RIMBP2: variants seen among roughly 807,000 people sequenced by gnomAD.
RIMBP2 encodes RIMS binding protein 2.
RIMBP2 carries 48 observed loss-of-function variants against 118.6 expected under a neutral mutation model. That is an observed-to-expected ratio of 0.40 (90% confidence interval 0.32 to 0.51). RIMBP2 has a LOEUF of 0.51. RIMBP2 is among the 20% of genes least tolerant of loss of function. The pLI, the probability that RIMBP2 is intolerant of heterozygous loss-of-function variation, is 0.41. For missense variants in RIMBP2, 1,551 were observed against 1,768.3 expected, an observed-to-expected ratio of 0.88 and a Z score of 2.20; for synonymous variants, 762 against 742.9, an observed-to-expected ratio of 1.03 and a Z score of -0.42.
rs965113380 is a variant in RIMBP2, at chr12:130,521,394, C to A, written c.-216-3477G>T. Among the ~76,000 whole-genome samples the A allele has an allele frequency of 2.6e-5, 4 of 152,186 alleles. 1 individual carries two copies. Among genetic ancestry groups the A allele is most frequent in the African/African-American group, 9.7e-5 (4 of 41,440 alleles). ...CAGCAGCCGGCACCAGTGGCACTAG[C>A]CGTGACAGTTCCCAGGAGGAGGAAG... On this transcript the variant is annotated intron_variant, in intron 2 of 22. Transcript: ENST00000690449.
intron 17 of RIMBP2, among the ~76,000 whole-genome samples, chr12:130,421,227 T>C (rs1566003829): frequency 6.6e-6 from 1 of 152,218 alleles, no homozygotes; most frequent in East Asian, 1.9e-4. Context: ...AGGTTTAGAA[T>C]ACCCGAAAGG....
intron 1 of RIMBP2, among the ~76,000 whole-genome samples, chr12:130,646,226 A>T (rs61936795): frequency 9.7e-4 from 21 of 21,680 alleles, no homozygotes; most frequent in African/African-American, 2.8e-3. Context: ...CACCTCCCTC[A>T]CCACCTGCCT....
chr12:130,708,069 G>A (rs1388778556), intron 1 of RIMBP2, among the ~76,000 whole-genome samples: 8 of 152,168 alleles, frequency 5.3e-5, no homozygotes, highest in Admixed American at 6.5e-5. Context: ...AAGAGATGAC[G>A]CTCTGACACA....
At chr12:130,495,563 G>C (rs180769442) in intron 4 of RIMBP2, among the ~76,000 whole-genome samples, 113 of 152,154 alleles carry the variant, frequency 7.4e-4, no homozygotes, top group African/African-American at 2.7e-3. Flanking sequence ...TTTTTTCTGA[G>C]CTCCTCCCAC....
At chr12:130,664,443 A>ACACATG (rs1555320922) in intron 1 of RIMBP2, among the ~76,000 whole-genome samples, 57 of 64,666 alleles carry the variant, frequency 8.8e-4, no homozygotes, top group Non-Finnish European at 2.1e-3. Flanking sequence ...ATGCACGCAC[A>ACACATG]CACGCACACA....
At chr12:130,559,308 C>T (rs1376640958) in intron 2 of RIMBP2, among the ~76,000 whole-genome samples, 4 of 152,148 alleles carry the variant, frequency 2.6e-5, no homozygotes, top group Non-Finnish European at 2.9e-5. Flanking sequence ...AACAGCTCCC[C>T]ACCCCCTACC....
At chr12:130,476,361 C>T (rs987856883) in intron 5 of RIMBP2, among the ~76,000 whole-genome samples, 1 of 152,198 alleles carries the variant, frequency 6.6e-6, no homozygotes, top group African/African-American at 2.4e-5. Flanking sequence ...TCAGAATCAC[C>T]TTTGGGCCTT....
At chr12:130,572,192 C>T (rs1380830918) in intron 2 of RIMBP2, among the ~76,000 whole-genome samples, 1 of 152,210 alleles carries the variant, frequency 6.6e-6, no homozygotes, top group African/African-American at 2.4e-5. Context: ...GTGACAGGGA[C>T]AAAGCGGCCG....
chr12:130,501,502 G>C (rs894265511), intron 4 of RIMBP2, among the ~76,000 whole-genome samples: 6 of 152,188 alleles, frequency 3.9e-5, no homozygotes, highest in African/African-American at 1.2e-4. Flanking sequence ...CTTCCCATGA[G>C]ACGCACCGCA....
At chr12:130,518,359 C>T (rs771555363) in intron 2 of RIMBP2, among the ~76,000 whole-genome samples, 1 of 152,144 alleles carries the variant, frequency 6.6e-6, no homozygotes, top group Non-Finnish European at 1.5e-5. Context: ...ATGGCTAGAC[C>T]ACAATGTGGT....
Position 130,578,886 on chromosome 12 carries a change from G to A in RIMBP2, c.-217+49436C>T, listed in dbSNP as rs373375760. Reference sequence around the variant, plus strand: ...AATGCTCCCAGTGGTGTCTGACACCGTCTTTCATTATTAAATATATTCATA... The same window carrying A: ...AATGCTCCCAGTGGTGTCTGACACCATCTTTCATTATTAAATATATTCATA... On this transcript the variant is annotated intron_variant, in intron 2 of 22. Transcript: ENST00000690449. The surrounding 1 kb of genome is among the most constrained non-coding windows in gnomAD (Gnocchi z 4.1). Among the ~76,000 whole-genome samples the A allele has an allele frequency of 1.4e-4, 21 of 152,150 alleles. No individual in the cohort carries two copies. Among genetic ancestry groups the A allele is most frequent in the East Asian group, 3.8e-4 (2 of 5,208 alleles).
At chr12:130,685,181 G>GCTTCA (rs749388278) in intron 1 of RIMBP2, among the ~76,000 whole-genome samples, 25 of 152,050 alleles carry the variant, frequency 1.6e-4, no homozygotes, top group Admixed American at 1.2e-3. Flanking sequence ...GCCCCACTCT[G>GCTTCA]CTTCATTAAT....
chr12:130,526,915 G>C (rs768301123), intron 2 of RIMBP2, among the ~76,000 whole-genome samples: 29 of 152,294 alleles, frequency 1.9e-4, no homozygotes, highest in Non-Finnish European at 3.5e-4. Context: ...TGAAGGAAGG[G>C]AAGGGAAGAA....
chr12:130,613,127 G>T (rs150186035), intron 2 of RIMBP2, among the ~76,000 whole-genome samples: 1 of 152,216 alleles, frequency 6.6e-6, no homozygotes. Context: ...TTGGAAAGTC[G>T]CATCTGTCAG....
intron 1 of RIMBP2, among the ~76,000 whole-genome samples, chr12:130,632,414 CA>C (rs1166957060): frequency 6.6e-6 from 1 of 151,896 alleles, no homozygotes; most frequent in African/African-American, 2.4e-5. Flanking sequence ...AGTTCTATTA[CA>C]GAAGAAAAAA....
intron 4 of RIMBP2, among the ~76,000 whole-genome samples, chr12:130,499,911 A>G (rs1375802147): frequency 6.6e-6 from 1 of 152,174 alleles, no homozygotes; most frequent in African/African-American, 2.4e-5. Flanking sequence ...TTGAATGAAT[A>G]TATCTTTAGG....
At chr12:130,589,579 G>A (rs1220080107) in intron 2 of RIMBP2, among the ~76,000 whole-genome samples, 4 of 152,198 alleles carry the variant, frequency 2.6e-5, no homozygotes, top group South Asian at 2.1e-4. Flanking sequence ...AATGACTGAC[G>A]GATGGAGTGC....
At position 130,434,617 on chromosome 12, in the gene RIMBP2, A is replaced by G; in HGVS notation, c.2253+117T>C. Reference sequence around the variant, plus strand: ...CTTAGGACCCCAGCTGGGCGTCTCCATCTCTCTCAGGGACCCAAGGGTAGC... The same window carrying G: ...CTTAGGACCCCAGCTGGGCGTCTCCGTCTCTCTCAGGGACCCAAGGGTAGC... On this transcript the variant is annotated intron_variant, in intron 14 of 22. Coordinates refer to ENST00000690449, the MANE Select transcript of RIMBP2 (RefSeq NM_001393629.1). The surrounding 1 kb of genome is among the most constrained non-coding windows in gnomAD (Gnocchi z 5.7). 1.7e-6 allele frequency: 2 copies of G among 1,154,358 alleles called. No homozygotes were observed. The highest frequency in any genetic ancestry group is 2.4e-6 in the Non-Finnish European group (2 of 835,630). The allele number at this position is 1,154,358 out of a possible 1,614,324, so 71.5% of individuals were successfully genotyped here.
intron 11 of RIMBP2, among the ~76,000 whole-genome samples, chr12:130,441,432 A>AATAATAATAATAATAATAATAATC (rs2078126226): frequency 6.9e-6 from 1 of 144,562 alleles, no homozygotes; most frequent in Non-Finnish European, 1.5e-5. Context: ...TAATAATAAT[A>AATAATAATAATAATAATAATAATC]ATAATAATAA....
Sources: allele counts gnomAD v4.1 joint callset (sites outside exome capture counted in the v4.1 genomes callset), GRCh38; gene constraint gnomAD v4.1.1; non-coding constraint Gnocchi (gnomAD v3.1); transcripts MANE v1.5; gene names NCBI Gene and HGNC (gene_info 2026-07-23, HGNC 2026-07-21).